The following VGLL2 variants were observed in gnomAD, a reference collection of about 807,000 sequenced individuals.
VGLL2 encodes the protein vestigial like family member 2.
A neutral mutation model predicts 27.0 loss-of-function variants in VGLL2; 18 were observed. The ratio of observed to expected loss-of-function variants is 0.67; its 90% CI spans 0.46 to 0.99. The LOEUF (loss-of-function observed/expected upper bound fraction) is 0.99. Among genes scored for constraint, VGLL2 ranks in the 50% least tolerant of loss-of-function variants. The pLI is 0.00. For missense variants in VGLL2, 491 were observed against 452.3 expected (o/e 1.09, Z -0.78); for synonymous variants, 220 against 201.1 (o/e 1.09, Z -0.80).
At chr6:117,266,454 G>A (rs1253201012) in intron 1 of VGLL2, among the ~76,000 whole-genome samples, 2 of 152,166 alleles carry the variant, frequency 1.3e-5, no homozygotes, top group African/African-American at 4.8e-5. Flanking sequence ...TCCGGAGTGC[G>A]AATGACCCGG....
At position 117,270,833 on chromosome 6, in the gene VGLL2, C is replaced by G; in HGVS notation, c.682C>G (p.His228Asp). ...CCCCTACCCGCGCCCCGCCGCCGTG[C>G]ACGAAGTCTACGCGCCGCACTTCGA... Reference protein sequence around the residue: ...AAPYPRPAAVHEVYAPHFDPR... With the variant: ...AAPYPRPAAVDEVYAPHFDPR... Residue 228 changes from histidine (H) to aspartate (D), a missense_variant, in exon 3 of 4, where the codon CAC becomes GAC. Coordinates refer to ENST00000326274, the MANE Select transcript of VGLL2 (RefSeq NM_182645.3). 1 of 1,429,816 alleles carries G rather than the reference C, an allele frequency of 7.0e-7. No individual in the cohort carries two copies. Among genetic ancestry groups the G allele is most frequent in the Non-Finnish European group, 9.1e-7 (1 of 1,093,580 alleles). 88.6% of individuals were successfully genotyped at this position (1,429,816 alleles called of 1,614,324 possible).
chr6:117,269,411 G>A (rs541052761), intron 2 of VGLL2, among the ~76,000 whole-genome samples: 1 of 152,312 alleles, frequency 6.6e-6, no homozygotes, highest in East Asian at 1.9e-4. Flanking sequence ...TTGTCTTTGG[G>A]AGGGAAATTA....
chr6:117,265,950 C>A (rs1402982341), intron 1 of VGLL2, 106 bp downstream of exon 1: 2 of 1,053,786 alleles, frequency 1.9e-6, no homozygotes, highest in Non-Finnish European at 2.9e-6. Flanking sequence ...CTCGGGCGTC[C>A]GACCACGACC....
intron 2 of VGLL2, 68 bp from the exon 3 acceptor site, chr6:117,270,475 T>G: frequency 2.7e-6 from 4 of 1,487,588 alleles, no homozygotes; most frequent in Non-Finnish European, 2.7e-6. Flanking sequence ...AGGTCGGCGC[T>G]GAGTCCAGCC....
In VGLL2 at chr6:117,271,321, AATG is replaced by A. The variant is rs68159081; in HGVS notation, c.913+260_913+262del. Among the ~76,000 whole-genome samples, 655 of 118,262 alleles carry A rather than the reference AATG, an allele frequency of 5.5e-3. 3 individuals carry two copies. Among genetic ancestry groups the A allele is most frequent in the African/African-American group, 0.018 (551 of 30,538 alleles). 77.6% of individuals were successfully genotyped at this position (118,262 alleles called of 152,430 possible). On this transcript the variant is annotated intron_variant, in intron 3 of 3. Coordinates refer to ENST00000326274, the MANE Select transcript of VGLL2 (RefSeq NM_182645.3). ...AAATAATAATAATAATAATAATAAT[AATG>A]ATAATAATAATAATAATAATAATAA...
At chr6:117,266,079 A>G (rs1773062335) in intron 1 of VGLL2, among the ~76,000 whole-genome samples, 1 of 152,206 alleles carries the variant, frequency 6.6e-6, no homozygotes, top group Admixed American at 6.5e-5. Context: ...ATGTGAGCCT[A>G]GGTCTTCCCT....
chr6:117,268,574 G>A, intron 2 of VGLL2, 83 bp downstream of exon 2: 1 of 1,386,212 alleles, frequency 7.2e-7, no homozygotes, highest in Non-Finnish European at 9.6e-7. Flanking sequence ...AAAACATGCA[G>A]CTGAAAAGAA....
intron 3 of VGLL2, 79 bp downstream of exon 3, chr6:117,271,143 ATCC>A: frequency 8.9e-7 from 1 of 1,121,562 alleles, no homozygotes; most frequent in Non-Finnish European, 1.1e-6. Flanking sequence ...AGACCCCTTA[ATCC>A]TCCTTGGAGA....
intron 1 of VGLL2, among the ~76,000 whole-genome samples, chr6:117,267,162 C>T (rs1205222182): frequency 1.3e-5 from 2 of 152,150 alleles, no homozygotes; most frequent in African/African-American, 4.8e-5. Flanking sequence ...CTTTCTTCTC[C>T]CAGACCCCGA....
chr6:117,265,780 T>C lies in VGLL2; in HGVS notation c.17T>C (p.Val6Ala), dbSNP rs1318196245. 23 of 1,613,990 alleles carry C rather than the reference T, an allele frequency of 1.4e-5. No individual in the cohort carries two copies. In the Admixed American group the frequency reaches 3.2e-4, roughly 22 times the overall value. Residue 6 changes from valine to alanine, a missense_variant, in exon 1 of 4, where the codon GTT (valine) becomes GCT (alanine). Coordinates refer to ENST00000326274, the MANE Select transcript of VGLL2 (RefSeq NM_182645.3). MSCLD[V>A]MYQVYGPPQP... is the part of the protein sequence containing the mutation. ...CGGAGAGTCATGAGCTGTCTGGATG[T>C]TATGTACCAAGTCTATGGTCCTCCG...
chr6:117,265,670 A>G lies in VGLL2; in HGVS notation c.-94A>G. 1 of 1,061,158 alleles carries G rather than the reference A, an allele frequency of 9.4e-7. No homozygotes were observed. The highest frequency in any genetic ancestry group is 1.3e-5 in the South Asian group (1 of 75,064). The allele number at this position is 1,061,158 out of a possible 1,614,324, so 65.7% of individuals were successfully genotyped here. On this transcript the variant is annotated 5_prime_UTR_variant, in exon 1 of 4. Transcript: ENST00000326274. ...GCTTTGCTCCGCCTGATGACTCCAGAGCGCGGGTCCAAGCGCCGCCCATGC... is the reference window on the plus strand; with the variant it reads ...GCTTTGCTCCGCCTGATGACTCCAGGGCGCGGGTCCAAGCGCCGCCCATGC...
chr6:117,271,218 C>T (rs1016615927), intron 3 of VGLL2, among the ~76,000 whole-genome samples, 154 bp downstream of exon 3: 31 of 151,286 alleles, frequency 2.0e-4, no homozygotes, highest in African/African-American at 7.5e-4. Flanking sequence ...ATACATGGCC[C>T]TGTGCCATGC....
intron 2 of VGLL2, among the ~76,000 whole-genome samples, chr6:117,270,233 T>C (rs416620): frequency 0.038 from 5,781 of 152,120 alleles, 343 homozygotes; most frequent in African/African-American, 0.13. Context: ...CTTGCTACTC[T>C]ACCCGCCACT....
In VGLL2 at chr6:117,268,194, TA is replaced by T. The variant is rs774616118; in HGVS notation, c.95del (p.Tyr32PhefsTer32). 1 of 1,613,746 alleles carries T rather than the reference TA, an allele frequency of 6.2e-7. No homozygotes were observed. The highest frequency in any genetic ancestry group is 8.5e-7 in the Non-Finnish European group (1 of 1,179,866). ...TCTCTCTGAACAGAAACTAGCCTAT[TA>T]TTCCAAAATGCAGGAAGCGCAGGAG... The part of the protein sequence containing the change: ...YTPYHQKLAY[Y>X]SKMQEAQECN... On this transcript the variant is annotated frameshift_variant, in exon 2 of 4. Transcript: ENST00000326274.
At chr6:117,272,393 T>C in intron 3 of VGLL2, 61 bp from the exon 4 acceptor site, 2 of 1,614,068 alleles carry the variant, frequency 1.2e-6, no homozygotes, top group Non-Finnish European at 1.7e-6. Context: ...CATAGTGCAA[T>C]TGATGGCACT....
Position 117,272,565 on chromosome 6 carries a change from C to G in VGLL2, c.*71C>G. The G allele has an allele frequency of 6.2e-7, 1 of 1,607,938 alleles. No homozygotes were observed. Among genetic ancestry groups the G allele is most frequent in the African/African-American group, 1.3e-5 (1 of 74,964 alleles). ...TTGGAGGCTCAGCATCTGTGCCTCT[C>G]ACTCCGTGGATGAGGACATGGGGGA... On this transcript the variant is annotated 3_prime_UTR_variant, in exon 4 of 4. Coordinates refer to ENST00000326274, the MANE Select transcript of VGLL2 (RefSeq NM_182645.3).
In VGLL2 at chr6:117,268,356, G is replaced by A. The variant is rs775720735; in HGVS notation, c.256G>A (p.Val86Ile). The change falls in exon 2 of 4, where the codon GTC (valine) becomes ATC (isoleucine). Residue 86 changes from valine to isoleucine, a missense_variant. Physicochemically the swap from Val to Ile is conservative, Grantham distance 29. Transcript: ENST00000326274. ...PEAEYINSRC[V>I]LFTYFQGDIS... is the part of the protein sequence containing the mutation. The stretch of plus-strand genomic sequence containing the variant: ...GGCAGAGTACATCAACTCCCGCTGC[G>A]TCCTCTTCACTTATTTCCAGGGGGA... The A allele has an allele frequency of 1.2e-6, 2 of 1,614,084 alleles. No homozygotes were observed. Among genetic ancestry groups the A allele is most frequent in the South Asian group, 2.2e-5 (2 of 91,070 alleles).
Position 117,272,816 on chromosome 6 carries a change from G to C in VGLL2, c.*322G>C. ...GGGGGAAAGAAAATGAAACTTTTTG[G>C]TGTGAATATTTTTTATGCTGATGTG... On this transcript the variant is annotated 3_prime_UTR_variant, in exon 4 of 4. Coordinates refer to ENST00000326274, the MANE Select transcript of VGLL2 (RefSeq NM_182645.3). The C allele has an allele frequency of 2.4e-6, 1 of 416,202 alleles. No individual in the cohort carries two copies. The highest frequency in any genetic ancestry group is 4.3e-6 in the Non-Finnish European group (1 of 233,402). 25.8% of individuals were successfully genotyped at this position (416,202 alleles called of 1,614,324 possible).
intron 1 of VGLL2, among the ~76,000 whole-genome samples, chr6:117,266,288 C>T (rs571206995): frequency 7.5e-4 from 114 of 152,332 alleles, no homozygotes; most frequent in Middle Eastern, 3.4e-3. Context: ...GATGCAAGGG[C>T]CGGTGTTCTC....
Sources: allele counts gnomAD v4.1 joint callset (sites outside exome capture counted in the v4.1 genomes callset), GRCh38; gene constraint gnomAD v4.1.1; transcripts MANE v1.5; gene names NCBI Gene and HGNC (gene_info 2026-07-23, HGNC 2026-07-21).